NR3C2: variants seen among roughly 807,000 people sequenced by gnomAD.
NR3C2 encodes the protein mineralocorticoid receptor.
In NR3C2, 15 loss-of-function variants were observed where a neutral mutation model predicts 86.4. The ratio of observed to expected loss-of-function variants is 0.17; its 90% confidence interval spans 0.12 to 0.27. The LOEUF (loss-of-function observed/expected upper bound fraction) is 0.27, where lower values mean the gene tolerates loss of function less well. Ranked by LOEUF, NR3C2 falls within the 10% of genes least tolerant of loss-of-function variation. The pLI, the probability that NR3C2 is intolerant of heterozygous loss-of-function variation, is 1.00. For synonymous variants in NR3C2, 458 were observed against 450.5 expected (o/e 1.02, Z -0.21); for missense variants, 960 against 1,195.6 (o/e 0.80, Z 2.91).
In NR3C2 at chr4:148,235,757, T is replaced by C. The variant is rs1307367559; in HGVS notation, c.1897+24221A>G. ...GGAGAAGAGTGTTTTGTTGTTGTTG[T>C]GAAACAAGGATCTACTTCAACAATG... is the stretch of plus-strand genomic sequence containing the variant. On this transcript the variant is annotated intron_variant, in intron 3 of 8. Transcript: ENST00000358102. 5.3e-5 allele frequency among the ~76,000 whole-genome samples: 8 copies of C among 151,290 alleles called. No homozygotes were observed. In the East Asian group the frequency reaches 1.6e-3, roughly 29 times the overall value.
chr4:148,108,326 C>G (rs1223109899), intron 8 of NR3C2, among the ~76,000 whole-genome samples: 3 of 152,158 alleles, frequency 2.0e-5, no homozygotes, highest in African/African-American at 7.2e-5. Context: ...TGGTCTCTAA[C>G]TCCTCACCTC....
intron 2 of NR3C2, among the ~76,000 whole-genome samples, chr4:148,340,157 G>C (rs545661131): frequency 2.6e-5 from 4 of 152,042 alleles, no homozygotes; most frequent in African/African-American, 9.6e-5. Context: ...TTGAAAAAAG[G>C]CAATCCTAAA....
chr4:148,319,932 G>A (rs1315700818), intron 2 of NR3C2, among the ~76,000 whole-genome samples: 3 of 143,858 alleles, frequency 2.1e-5, no homozygotes, highest in African/African-American at 5.4e-5. Context: ...GGAGTGGTGA[G>A]AGAGGGCATC....
intron 3 of NR3C2, 118 bp downstream of exon 3, chr4:148,259,860 G>A: frequency 7.6e-7 from 1 of 1,322,016 alleles, no homozygotes; most frequent in Non-Finnish European, 1.1e-6. Context: ...GTTTATCACT[G>A]ACAGATTAAA....
intron 3 of NR3C2, among the ~76,000 whole-genome samples, chr4:148,251,569 G>A (rs958680020): frequency 4.6e-5 from 7 of 152,166 alleles, no homozygotes; most frequent in Non-Finnish European, 8.8e-5. Flanking sequence ...AGCTTTGTAT[G>A]AGGAAGGCCA....
chr4:148,168,498 C>G (rs1316132783), intron 4 of NR3C2, among the ~76,000 whole-genome samples: 1 of 152,242 alleles, frequency 6.6e-6, no homozygotes, highest in Admixed American at 6.5e-5. Context: ...CTCACCATTT[C>G]AAGTTCAGTG....
intron 2 of NR3C2, among the ~76,000 whole-genome samples, chr4:148,295,084 A>G (rs1741983169): frequency 6.6e-6 from 1 of 152,192 alleles, no homozygotes; most frequent in Admixed American, 6.5e-5. Context: ...TATGACATTT[A>G]AAAATTTATT....
chr4:148,441,047 G>A (rs1240677086), intron 1 of NR3C2, among the ~76,000 whole-genome samples: 3 of 152,106 alleles, frequency 2.0e-5, no homozygotes, highest in Non-Finnish European at 4.4e-5. Context: ...TAACTATTAT[G>A]TTCCTCTCTT....
intron 3 of NR3C2, among the ~76,000 whole-genome samples, chr4:148,236,021 T>C (rs1265256119): frequency 6.6e-6 from 1 of 152,228 alleles, no homozygotes; most frequent in Non-Finnish European, 1.5e-5. Flanking sequence ...AAGATCTGAA[T>C]TGACTCTTCT....
At chr4:148,340,872 A>C (rs1322449838) in intron 2 of NR3C2, among the ~76,000 whole-genome samples, 1 of 152,186 alleles carries the variant, frequency 6.6e-6, no homozygotes, top group African/African-American at 2.4e-5. Context: ...AAAAATACTC[A>C]ACATCATGTA....
At chr4:148,151,563 G>A (rs981877956) in intron 6 of NR3C2, among the ~76,000 whole-genome samples, 1 of 152,140 alleles carries the variant, frequency 6.6e-6, no homozygotes, top group African/African-American at 2.4e-5. Flanking sequence ...TGGGCGAACT[G>A]GTACTCTTAG....
chr4:148,113,540 T>C (rs1560928226), intron 8 of NR3C2, among the ~76,000 whole-genome samples: 1 of 152,114 alleles, frequency 6.6e-6, no homozygotes, highest in Non-Finnish European at 1.5e-5. Context: ...CCTTAATCAG[T>C]TTTTAACTCT....
intron 2 of NR3C2, among the ~76,000 whole-genome samples, chr4:148,393,063 T>C (rs1272490985): frequency 1.3e-5 from 2 of 152,228 alleles, no homozygotes; most frequent in African/African-American, 4.8e-5. Flanking sequence ...GTTTTGTTTT[T>C]GTTTTTTGAA....
rs372724718 is a variant in NR3C2, at chr4:148,156,050, G to C, written c.2015-1149C>G. Among the ~76,000 whole-genome samples the C allele has an allele frequency of 1.1e-4, 16 of 152,158 alleles. 2 individuals carry two copies. Among genetic ancestry groups the C allele is most frequent in the Admixed American group, 1.3e-4 (2 of 15,288 alleles). The stretch of plus-strand genomic sequence containing the variant: ...TTAATAACTGGTGCTGGGAAAACTG[G>C]CTAGCCATATGTAGAAAGCTGAAAC... On this transcript the variant is annotated intron_variant, in intron 4 of 8. Coordinates refer to ENST00000358102, the MANE Select transcript of NR3C2 (RefSeq NM_000901.5).
At chr4:148,354,013 T>C (rs1745429914) in intron 2 of NR3C2, among the ~76,000 whole-genome samples, 1 of 152,118 alleles carries the variant, frequency 6.6e-6, no homozygotes, top group Admixed American at 6.6e-5. Context: ...CCTAAGATAT[T>C]ATACTGCTAG....
intron 2 of NR3C2, among the ~76,000 whole-genome samples, chr4:148,297,641 T>A (rs1742117245): frequency 6.6e-6 from 1 of 152,268 alleles, no homozygotes; most frequent in African/African-American, 2.4e-5. Flanking sequence ...TTTTACATTA[T>A]GTTTTCTTCA....
In NR3C2 at chr4:148,173,223, G is replaced by A. The variant is rs575896700; in HGVS notation, c.2015-18322C>T. The stretch of plus-strand genomic sequence containing the variant: ...CATAGGTCATTACATAGTATGGTGG[G>A]AAGAATAACGAAGACTTCACCTCCC... On this transcript the variant is annotated intron_variant, in intron 4 of 8. Coordinates refer to ENST00000358102, the MANE Select transcript of NR3C2 (RefSeq NM_000901.5). 8.5e-4 allele frequency among the ~76,000 whole-genome samples: 129 copies of A among 152,324 alleles called. 1 individual carries two copies. Among genetic ancestry groups the A allele is most frequent in the Non-Finnish European group, 1.6e-3 (108 of 68,024 alleles).
intron 3 of NR3C2, among the ~76,000 whole-genome samples, chr4:148,201,751 G>A (rs150066922): frequency 4.2e-4 from 64 of 152,074 alleles, no homozygotes; most frequent in Non-Finnish European, 7.9e-4. Flanking sequence ...GTTTTTCTCT[G>A]GCTCCACTAA....
chr4:148,164,686 T>C (rs1734805282), intron 4 of NR3C2, among the ~76,000 whole-genome samples: 1 of 152,194 alleles, frequency 6.6e-6, no homozygotes, highest in Non-Finnish European at 1.5e-5. Context: ...TATGTCTCAG[T>C]AGAGAATTTA....
Sources: allele counts gnomAD v4.1 joint callset (sites outside exome capture counted in the v4.1 genomes callset), GRCh38; gene constraint gnomAD v4.1.1; transcripts MANE v1.5; gene names NCBI Gene and HGNC (gene_info 2026-07-23, HGNC 2026-07-21).